The following ELP3 variants were observed in gnomAD, a reference collection of about 807,000 sequenced individuals.
ELP3 encodes elongator complex protein 3.
A neutral mutation model predicts 74.9 loss-of-function variants in ELP3; 56 were observed. The observed-to-expected ratio is 0.75, with a 90% confidence interval of 0.60 to 0.93. The LOEUF is 0.93. Ranked by LOEUF, ELP3 falls within the 40% of genes least tolerant of loss-of-function variation. The pLI, the probability that ELP3 is intolerant of heterozygous loss-of-function variation, is 0.00. For missense variants in ELP3, 573 were observed against 686.5 expected (o/e 0.83, Z 1.85); for synonymous variants, 222 against 239.8 (o/e 0.93, Z 0.68).
intron 8 of ELP3, among the ~76,000 whole-genome samples, 198 bp downstream of exon 8, chr8:28,129,861 G>A (rs778399992): frequency 1.3e-5 from 2 of 152,062 alleles, no homozygotes; most frequent in African/African-American, 2.4e-5. Flanking sequence ...TCTCTAGTGG[G>A]TCTTTTCCAG....
chr8:28,101,711 T>C (rs1468943856), intron 3 of ELP3, among the ~76,000 whole-genome samples: 2 of 151,900 alleles, frequency 1.3e-5, no homozygotes, highest in East Asian at 3.9e-4. Context: ...TGCCTCAGCC[T>C]CCCAAGGAGC....
chr8:28,155,361 A>G (rs1813785396), intron 10 of ELP3, among the ~76,000 whole-genome samples: 1 of 152,250 alleles, frequency 6.6e-6, no homozygotes. Flanking sequence ...TTTATGCTGT[A>G]TTAATGCCAG....
Position 28,160,414 on chromosome 8 carries a change from G to T in ELP3, c.1443G>T (p.Val481=). 1.2e-6 allele frequency: 2 copies of T among 1,614,070 alleles called. No individual in the cohort carries two copies. Among genetic ancestry groups the T allele is most frequent in the Non-Finnish European group, 1.7e-6 (2 of 1,180,000 alleles). The change falls in exon 13 of 15, where the codon GTG becomes GTT. Residue 481 remains valine (V), a synonymous_variant. Transcript: ENST00000256398. The stretch of plus-strand genomic sequence containing the variant: ...GAGAGCTGCATGTGTATGGGAGTGT[G>T]GTCCCTGTGAGCAGCCGGGATCCTA... ...IVRELHVYGS[V]VPVSSRDPTK...
At chr8:28,131,828 A>C (rs1812796788) in intron 8 of ELP3, among the ~76,000 whole-genome samples, 1 of 152,196 alleles carries the variant, frequency 6.6e-6, no homozygotes, top group Non-Finnish European at 1.5e-5. Context: ...GTCTACAAAT[A>C]ATTTCACAAG....
upstream of ELP3, among the ~76,000 whole-genome samples, chr8:28,091,640 G>A (rs1045354709): frequency 1.3e-5 from 2 of 152,122 alleles, no homozygotes; most frequent in Non-Finnish European, 2.9e-5. Context: ...GATCATAGAT[G>A]GGTTTCAGGA....
upstream of ELP3, among the ~76,000 whole-genome samples, chr8:28,091,225 C>CT (rs1811044227): frequency 6.6e-6 from 1 of 152,024 alleles, no homozygotes; most frequent in Non-Finnish European, 1.5e-5. Flanking sequence ...TCTTATCAGA[C>CT]TTTAAGAGTC....
At chr8:28,091,805 T>C (rs986764356), upstream of ELP3, among the ~76,000 whole-genome samples, 1 of 152,178 alleles carries the variant, frequency 6.6e-6, no homozygotes, top group African/African-American at 2.4e-5. Flanking sequence ...ACATAAGTTA[T>C]CATGGAATCT....
intron 10 of ELP3, among the ~76,000 whole-genome samples, chr8:28,154,023 A>G (rs562484735): frequency 3.6e-4 from 55 of 152,310 alleles, no homozygotes; most frequent in African/African-American, 1.3e-3. Flanking sequence ...CCCCAAGTGT[A>G]GTCCTGAGAT....
At position 28,189,885 on chromosome 8, in the gene ELP3, G is replaced by A; in HGVS notation, c.*160G>A. 1 of 705,954 alleles carries A rather than the reference G, an allele frequency of 1.4e-6. No homozygotes were observed. Among genetic ancestry groups the A allele is most frequent in the Non-Finnish European group, 2.3e-6 (1 of 428,564 alleles). 43.7% of individuals were successfully genotyped at this position (705,954 alleles called of 1,614,324 possible). A position where few individuals can be genotyped will look rare whatever the true frequency, so the allele number is the denominator to read the frequency against. On this transcript the variant is annotated 3_prime_UTR_variant, in exon 15 of 15. Transcript: ENST00000256398. ...GGAAACTGCCTTCAAGGCCACGGCT[G>A]GTCATCTGCTGACCACACCCCAGAT...
intron 9 of ELP3, among the ~76,000 whole-genome samples, chr8:28,134,851 T>C (rs1449456368): frequency 6.6e-6 from 1 of 152,214 alleles, no homozygotes; most frequent in African/African-American, 2.4e-5. Context: ...GCCTTTTGTT[T>C]TCTTTTTGTT....
At chr8:28,145,373 G>C (rs1278912358) in intron 10 of ELP3, among the ~76,000 whole-genome samples, 1 of 152,222 alleles carries the variant, frequency 6.6e-6, no homozygotes, top group African/African-American at 2.4e-5. Context: ...TTGCTAGGAA[G>C]AAACCACTGG....
chr8:28,103,708 G>A (rs1811578888), intron 3 of ELP3, among the ~76,000 whole-genome samples: 1 of 152,214 alleles, frequency 6.6e-6, no homozygotes, highest in Non-Finnish European at 1.5e-5. Flanking sequence ...AACACTTGGA[G>A]ATGTCGGTGT....
In ELP3 at chr8:28,187,023, C is replaced by CAG. The variant is rs561363747; in HGVS notation, c.1568-2625_1568-2624insGA. 2.2e-3 allele frequency among the ~76,000 whole-genome samples: 340 copies of CAG among 152,286 alleles called. 3 individuals carry two copies. Among genetic ancestry groups the CAG allele is most frequent in the Admixed American group, 4.1e-3 (62 of 15,304 alleles). On this transcript the variant is annotated intron_variant, in intron 14 of 14. Transcript: ENST00000256398. Reference sequence around the variant, plus strand: ...TCCACATGCAGCCTGACTGGAGCCCCACTCCTGATTCCTCTTGCAAGCTCT... The same window carrying CAG: ...TCCACATGCAGCCTGACTGGAGCCCCAGACTCCTGATTCCTCTTGCAAGCTCT...
intron 7 of ELP3, among the ~76,000 whole-genome samples, chr8:28,114,921 A>G (rs1484444932): frequency 6.6e-6 from 1 of 152,128 alleles, no homozygotes; most frequent in Non-Finnish European, 1.5e-5. Context: ...TGAAAGTGGG[A>G]AACCAGATAG....
At chr8:28,127,098 A>G (rs1400818282) in intron 7 of ELP3, among the ~76,000 whole-genome samples, 1 of 152,144 alleles carries the variant, frequency 6.6e-6, no homozygotes, top group Non-Finnish European at 1.5e-5. Context: ...CTGAGGAAAA[A>G]CATTTTTGAA....
At chr8:28,165,830 T>C (rs1814284837) in intron 14 of ELP3, among the ~76,000 whole-genome samples, 1 of 152,186 alleles carries the variant, frequency 6.6e-6, no homozygotes, top group Non-Finnish European at 1.5e-5. Flanking sequence ...AACAAATTGG[T>C]TTTTTATCTG....
At chr8:28,191,151 AAAG>A (rs761154421) in exon 15 of ELP3, 1 of 152,176 alleles carries the variant, frequency 6.6e-6, no homozygotes, top group East Asian at 1.9e-4. Flanking sequence ...TTTAACATAC[AAAG>A]AAGAGTCATG....
intron 7 of ELP3, among the ~76,000 whole-genome samples, chr8:28,115,921 A>C (rs1205792568): frequency 6.6e-6 from 1 of 152,156 alleles, no homozygotes. Context: ...GGTTTCATAT[A>C]GCTAATTATA....
chr8:28,092,801 C>T (rs558069359), upstream of ELP3: 13 of 177,376 alleles, frequency 7.3e-5, 1 homozygote, highest in South Asian at 1.2e-3. Flanking sequence ...CCCACCCTCC[C>T]CGGATGTGAC....
Sources: allele counts gnomAD v4.1 joint callset (sites outside exome capture counted in the v4.1 genomes callset), GRCh38; gene constraint gnomAD v4.1.1; transcripts MANE v1.5; gene names NCBI Gene and HGNC (gene_info 2026-07-23, HGNC 2026-07-21).